The following NPFFR2 variants were observed in gnomAD, a reference collection of about 807,000 sequenced individuals.
The protein encoded by NPFFR2 is G-protein coupled receptor 74.
Under a neutral mutation model 13.1 loss-of-function variants are expected in NPFFR2, and 15 were observed. The ratio of observed to expected loss-of-function variants is 1.15; its 90% CI spans 0.77 to 1.76. NPFFR2 has a LOEUF of 1.76. Among genes scored for constraint, NPFFR2 ranks in the 40% most tolerant of loss-of-function variants. The pLI is 0.00. For missense variants in NPFFR2, 572 were observed against 503.5 expected (o/e 1.14, Z -1.30); for synonymous variants, 190 against 175.7 (o/e 1.08, Z -0.65).
At chr4:72,034,408 GA>G (rs1269557927) in intron 1 of NPFFR2, among the ~76,000 whole-genome samples, 2 of 152,118 alleles carry the variant, frequency 1.3e-5, no homozygotes, top group African/African-American at 4.8e-5. Context: ...GCCAAAGGGG[GA>G]AAAGCCCCCT....
intron 1 of NPFFR2, among the ~76,000 whole-genome samples, chr4:72,050,701 G>C (rs1156484433): frequency 6.6e-6 from 1 of 151,684 alleles, no homozygotes; most frequent in Non-Finnish European, 1.5e-5. Flanking sequence ...ACATGCTGGT[G>C]CACTGCACCC....
chr4:72,050,245 A>G (rs2109763909), intron 1 of NPFFR2, among the ~76,000 whole-genome samples: 1 of 152,152 alleles, frequency 6.6e-6, no homozygotes, highest in East Asian at 1.9e-4. Flanking sequence ...ATTTCACACA[A>G]ATCCTTTGCC....
At chr4:72,132,240 A>C (rs1192498957) in intron 2 of NPFFR2, among the ~76,000 whole-genome samples, 1 of 152,158 alleles carries the variant, frequency 6.6e-6, no homozygotes, top group Middle Eastern at 3.4e-3. Flanking sequence ...ATAAATAGTA[A>C]CATGTAGTAT....
At chr4:72,072,387 GA>G (rs1720283017) in intron 1 of NPFFR2, among the ~76,000 whole-genome samples, 1 of 151,592 alleles carries the variant, frequency 6.6e-6, no homozygotes, top group African/African-American at 2.4e-5. Context: ...TAAAAAGAAA[GA>G]AAAAAAGAGA....
chr4:72,078,640 T>G (rs1376309606), intron 1 of NPFFR2, among the ~76,000 whole-genome samples: 1 of 152,142 alleles, frequency 6.6e-6, no homozygotes, highest in Non-Finnish European at 1.5e-5. Flanking sequence ...AAGGAATTAC[T>G]CTACCTGCTA....
chr4:72,093,313 A>C lies in NPFFR2; in HGVS notation c.-7-35272A>C, dbSNP rs545898116. On this transcript the variant is annotated intron_variant, in intron 1 of 3. Transcript: ENST00000308744. The stretch of plus-strand genomic sequence containing the variant: ...AACCTGATGACTAGGTGGTGAAGCA[A>C]TGACCTTTTTGCAATGAATTTGGCA... Among the ~76,000 whole-genome samples the C allele has an allele frequency of 7.2e-4, 110 of 152,292 alleles. 1 individual carries two copies. The highest frequency in any genetic ancestry group is 6.0e-3 in the South Asian group (29 of 4,828).
In NPFFR2 at chr4:72,128,928, G is replaced by C; in HGVS notation, c.328+9G>C. Reference sequence around the variant, plus strand: ...GGACAATATTATAGCAGGTATGTTGGCTTTTGTGCAGTTTGAAGATAATAT... The same window carrying C: ...GGACAATATTATAGCAGGTATGTTGCCTTTTGTGCAGTTTGAAGATAATAT... On this transcript the variant is annotated intron_variant, in intron 2 of 3. Transcript: ENST00000308744. The C allele has an allele frequency of 6.3e-7, 1 of 1,585,186 alleles. No homozygotes were observed. Among genetic ancestry groups the C allele is most frequent in the Non-Finnish European group, 8.6e-7 (1 of 1,157,870 alleles).
chr4:72,118,667 C>T (rs1721779957), intron 1 of NPFFR2, among the ~76,000 whole-genome samples: 1 of 151,994 alleles, frequency 6.6e-6, no homozygotes, highest in African/African-American at 2.4e-5. Context: ...AGAAAAAAAC[C>T]TACAATCTAT....
At chr4:72,121,763 G>A (rs1206896314) in intron 1 of NPFFR2, among the ~76,000 whole-genome samples, 2 of 152,102 alleles carry the variant, frequency 1.3e-5, no homozygotes, top group African/African-American at 2.4e-5. Context: ...ACTAAACATG[G>A]AAAGGAAAAA....
At chr4:72,078,273 A>G (rs4353868) in intron 1 of NPFFR2, among the ~76,000 whole-genome samples, 135,979 of 152,120 alleles carry the variant, frequency 0.89, 61,816 homozygotes, top group Non-Finnish European at 0.98. Context: ...TGAACTGAAT[A>G]TATAAGAATG....
At chr4:72,126,838 G>A (rs956428107) in intron 1 of NPFFR2, among the ~76,000 whole-genome samples, 10 of 152,148 alleles carry the variant, frequency 6.6e-5, no homozygotes, top group Non-Finnish European at 1.0e-4. Context: ...AGTGCATGGG[G>A]CCTATGCCTA....
intron 2 of NPFFR2, among the ~76,000 whole-genome samples, chr4:72,132,758 A>C (rs1335803522): frequency 1.3e-5 from 2 of 151,132 alleles, no homozygotes; most frequent in African/African-American, 4.9e-5. Context: ...AGTGATGTTG[A>C]GCTTTTTTTC....
At chr4:72,083,864 T>C (rs1321369864) in intron 1 of NPFFR2, among the ~76,000 whole-genome samples, 3 of 152,154 alleles carry the variant, frequency 2.0e-5, no homozygotes, top group African/African-American at 7.2e-5. Context: ...TAACAGGCTT[T>C]CCAACATAGG....
At chr4:72,106,169 G>A (rs931964783) in intron 1 of NPFFR2, among the ~76,000 whole-genome samples, 17 of 151,974 alleles carry the variant, frequency 1.1e-4, no homozygotes, top group African/African-American at 3.6e-4. Context: ...TATACAAGCC[G>A]AATACTTTGG....
intron 1 of NPFFR2, among the ~76,000 whole-genome samples, chr4:72,079,327 GA>G (rs1720535297): frequency 6.6e-6 from 1 of 151,594 alleles, no homozygotes; most frequent in African/African-American, 2.4e-5. Context: ...AGTTCCTATT[GA>G]AAAAAACATT....
intron 1 of NPFFR2, among the ~76,000 whole-genome samples, chr4:72,034,468 C>T (rs2109750386): frequency 6.6e-6 from 1 of 152,280 alleles, no homozygotes; most frequent in South Asian, 2.1e-4. Flanking sequence ...ATGAGAATAA[C>T]ATGGTGGTAG....
At chr4:72,122,991 A>C (rs894477979) in intron 1 of NPFFR2, among the ~76,000 whole-genome samples, 2 of 152,210 alleles carry the variant, frequency 1.3e-5, no homozygotes, top group Non-Finnish European at 2.9e-5. Flanking sequence ...GATTAACAAA[A>C]TATGTAGACC....
chr4:72,047,634 T>A (rs1719415528), intron 1 of NPFFR2, among the ~76,000 whole-genome samples: 1 of 152,212 alleles, frequency 6.6e-6, no homozygotes, highest in Admixed American at 6.5e-5. Flanking sequence ...TGCTTTGTCT[T>A]TTATATAGGA....
chr4:72,143,581 A>G (rs1285881017), intron 3 of NPFFR2, among the ~76,000 whole-genome samples: 1 of 152,080 alleles, frequency 6.6e-6, no homozygotes, highest in Non-Finnish European at 1.5e-5. Flanking sequence ...ATCCAGAAAC[A>G]CTTTTATAGG....
Sources: gnomAD v4.1 joint callset for allele counts (sites outside exome capture counted in the v4.1 genomes callset) on GRCh38, gnomAD v4.1.1 for gene constraint, MANE v1.5 for transcripts, NCBI Gene and HGNC (gene_info 2026-07-23, HGNC 2026-07-21) for gene names.